Variants in NTM observed in about 807,000 individuals in gnomAD.
NTM encodes the protein IgLON family member 2.
In NTM, 13 loss-of-function variants were observed where a neutral mutation model predicts 42.1. That is an observed-to-expected ratio of 0.31 (90% CI 0.20 to 0.49). The LOEUF is 0.49. Ranked by LOEUF, NTM falls within the 20% of genes least tolerant of loss-of-function variation. NTM has a pLI of 0.99. For synonymous variants in NTM, 187 were observed against 179.2 expected, an observed-to-expected ratio of 1.04 and a Z score of -0.35; for missense variants, 373 against 452.8, an observed-to-expected ratio of 0.82 and a Z score of 1.60.
chr11:131,791,888 C>G (rs1265133184), intron 1 of NTM, among the ~76,000 whole-genome samples: 3 of 152,166 alleles, frequency 2.0e-5, no homozygotes, highest in Non-Finnish European at 4.4e-5. Context: ...CATTGAGACT[C>G]AGGTTACTTA....
chr11:131,917,677 T>C (rs2056607847), intron 2 of NTM, among the ~76,000 whole-genome samples: 1 of 152,206 alleles, frequency 6.6e-6, no homozygotes, highest in African/African-American at 2.4e-5. Flanking sequence ...CCGTTGTTTA[T>C]GAGTTCACCC....
chr11:131,649,895 C>T (rs1486162278), intron 1 of NTM, among the ~76,000 whole-genome samples: 4 of 152,188 alleles, frequency 2.6e-5, no homozygotes, highest in South Asian at 4.1e-4. Flanking sequence ...TCCCACCTTA[C>T]GATCTATTCA....
intron 1 of NTM, among the ~76,000 whole-genome samples, chr11:131,880,379 T>A (rs926737334): frequency 6.6e-6 from 1 of 152,208 alleles, no homozygotes; most frequent in Non-Finnish European, 1.5e-5. Flanking sequence ...AAGGGGCAGA[T>A]AATCACAGGC....
At chr11:131,599,099 G>C (rs1252081661) in intron 1 of NTM, among the ~76,000 whole-genome samples, 1 of 151,944 alleles carries the variant, frequency 6.6e-6, no homozygotes, top group Non-Finnish European at 1.5e-5. Context: ...ATTTGTAGTA[G>C]AGATGGGGTT....
intron 1 of NTM, among the ~76,000 whole-genome samples, chr11:131,504,953 C>T (rs1314569285): frequency 6.6e-6 from 1 of 152,176 alleles, no homozygotes; most frequent in East Asian, 1.9e-4. Flanking sequence ...ACCCTCTCCT[C>T]CGCACTATCT....
At chr11:131,790,110 G>T (rs1392340273) in intron 1 of NTM, among the ~76,000 whole-genome samples, 1 of 151,992 alleles carries the variant, frequency 6.6e-6, no homozygotes, top group Non-Finnish European at 1.5e-5. Context: ...AGATTAAAAG[G>T]ATAAGAAGAT....
At chr11:131,824,339 T>C (rs955403282) in intron 1 of NTM, among the ~76,000 whole-genome samples, 9 of 152,334 alleles carry the variant, frequency 5.9e-5, no homozygotes, top group Admixed American at 3.9e-4. Context: ...CAAATATTTG[T>C]TGAGTGTCCG....
At chr11:131,645,663 A>G (rs1355635269) in intron 1 of NTM, among the ~76,000 whole-genome samples, 2 of 151,666 alleles carry the variant, frequency 1.3e-5, no homozygotes, top group Non-Finnish European at 2.9e-5. Flanking sequence ...ATTTTTTTTT[A>G]CTTATTAGTA....
At chr11:132,043,842 A>G (rs1488613470) in intron 2 of NTM, among the ~76,000 whole-genome samples, 1 of 152,210 alleles carries the variant, frequency 6.6e-6, no homozygotes, top group Non-Finnish European at 1.5e-5. Context: ...TATGAAATAT[A>G]TCATCTGGAA....
intron 1 of NTM, among the ~76,000 whole-genome samples, chr11:131,831,235 C>T (rs2042781405): frequency 6.6e-6 from 1 of 152,070 alleles, no homozygotes; most frequent in South Asian, 2.1e-4. Context: ...GCTTCCTAAA[C>T]ATTGGAAGGC....
chr11:131,577,660 C>A (rs1176350252), intron 1 of NTM, among the ~76,000 whole-genome samples: 1 of 152,200 alleles, frequency 6.6e-6, no homozygotes, highest in African/African-American at 2.4e-5. Flanking sequence ...TCCTTCATAT[C>A]CCGCGGTGGT....
intron 1 of NTM, chr11:131,767,170 A>G (rs2085256113): frequency 1.1e-6 from 1 of 945,756 alleles, no homozygotes; most frequent in Non-Finnish European, 1.3e-6. Flanking sequence ...CTAAATTCTC[A>G]AAGACAAATT....
intron 4 of NTM, among the ~76,000 whole-genome samples, chr11:132,290,198 A>G (rs568116419): frequency 6.6e-6 from 1 of 152,294 alleles, no homozygotes; most frequent in East Asian, 1.9e-4. Context: ...AATAACTTGG[A>G]CTGCAAGTCT....
At chr11:131,714,155 G>A (rs1330385664) in intron 1 of NTM, among the ~76,000 whole-genome samples, 1 of 152,038 alleles carries the variant, frequency 6.6e-6, no homozygotes. Context: ...TATCGTACCT[G>A]GAAGCTGCTG....
At chr11:131,912,927 G>A (rs2138016274) in intron 2 of NTM, among the ~76,000 whole-genome samples, 1 of 152,312 alleles carries the variant, frequency 6.6e-6, no homozygotes, top group African/African-American at 2.4e-5. Context: ...CAAAGGAAGT[G>A]TGTAATTTAG....
chr11:132,122,994 G>A (rs2065090745), intron 2 of NTM, among the ~76,000 whole-genome samples: 1 of 152,128 alleles, frequency 6.6e-6, no homozygotes. Context: ...TCGCCACGTT[G>A]AATGTATTTC....
intron 1 of NTM, among the ~76,000 whole-genome samples, chr11:131,588,194 A>G (rs1486049201): frequency 6.6e-6 from 1 of 152,254 alleles, no homozygotes; most frequent in Non-Finnish European, 1.5e-5. Context: ...GATCTGCTGC[A>G]AGCTCACTCA....
At chr11:131,548,821 C>A (rs987513894) in intron 1 of NTM, among the ~76,000 whole-genome samples, 8 of 152,094 alleles carry the variant, frequency 5.3e-5, no homozygotes, top group African/African-American at 1.9e-4. Context: ...CCACTATGAA[C>A]CAAATATTTA....
chr11:131,969,685 T>C (rs2063285795), intron 2 of NTM, among the ~76,000 whole-genome samples: 1 of 152,342 alleles, frequency 6.6e-6, no homozygotes, highest in Admixed American at 6.5e-5. Flanking sequence ...TCTTATTATG[T>C]CTAATTTTGA....
Sources: gnomAD v4.1 joint callset for allele counts (sites outside exome capture counted in the v4.1 genomes callset) on GRCh38, gnomAD v4.1.1 for gene constraint, MANE v1.5 for transcripts, NCBI Gene and HGNC (gene_info 2026-07-23, HGNC 2026-07-21) for gene names.